ZDHHC2: variants seen among roughly 807,000 people sequenced by gnomAD.
The protein encoded by ZDHHC2 is zDHHC palmitoyltransferase 2, also known as palmitoyltransferase ZDHHC2.
ZDHHC2 carries 51 observed loss-of-function variants against 55.6 expected under a neutral mutation model. That is an observed-to-expected ratio of 0.92 (90% CI 0.73 to 1.16). ZDHHC2 has a LOEUF of 1.16. ZDHHC2 is among the 50% of genes most tolerant of loss of function. The pLI, the probability that ZDHHC2 is intolerant of heterozygous loss-of-function variation, is 0.00. For synonymous variants in ZDHHC2, 199 were observed against 152.9 expected, an observed-to-expected ratio of 1.30 and a Z score of -2.22; for missense variants, 491 against 442.4, an observed-to-expected ratio of 1.11 and a Z score of -0.99.
intron 1 of ZDHHC2, among the ~76,000 whole-genome samples, chr8:17,173,789 T>C (rs774918195): frequency 6.6e-5 from 10 of 152,136 alleles, no homozygotes; most frequent in Non-Finnish European, 1.3e-4. Flanking sequence ...TGGAGGATGC[T>C]GCAAGCTATA....
intron 6 of ZDHHC2, among the ~76,000 whole-genome samples, chr8:17,202,956 T>G (rs2959621): frequency 0.73 from 110,846 of 151,876 alleles, 42,393 homozygotes; most frequent in Non-Finnish European, 0.87. Context: ...ATTATTTAAT[T>G]CAAGAGCTGC....
chr8:17,212,309 A>G (rs1267870056), intron 10 of ZDHHC2, among the ~76,000 whole-genome samples: 3 of 152,072 alleles, frequency 2.0e-5, no homozygotes, highest in Non-Finnish European at 4.4e-5. Flanking sequence ...ATCATCTCCA[A>G]CTAAACAGGT....
chr8:17,219,173 C>G (rs1022521642), intron 12 of ZDHHC2, among the ~76,000 whole-genome samples: 1 of 139,356 alleles, frequency 7.2e-6, no homozygotes, highest in African/African-American at 2.7e-5. Flanking sequence ...TTGCTTGAAC[C>G]CAGAAGGCAG....
chr8:17,198,296 A>T lies in ZDHHC2; in HGVS notation c.444-85A>T, dbSNP rs1806429236. The T allele has an allele frequency of 3.1e-6, 4 of 1,300,522 alleles. No individual in the cohort carries two copies. In the South Asian group the frequency reaches 6.7e-5, roughly 22 times the overall value. The allele number at this position is 1,300,522 out of a possible 1,614,324, so 80.6% of individuals were successfully genotyped here. A position where few individuals can be genotyped will look rare whatever the true frequency, so the allele number is the denominator to read the frequency against. Reference sequence around the variant, plus strand: ...ATATTTTACTTGCCGCAGCTGTTTGAACTAACCATAATTTATATTTTTATA... The same window carrying T: ...ATATTTTACTTGCCGCAGCTGTTTGTACTAACCATAATTTATATTTTTATA... On this transcript the variant is annotated intron_variant, in intron 5 of 12. Coordinates refer to ENST00000262096, the MANE Select transcript of ZDHHC2 (RefSeq NM_016353.5).
chr8:17,222,699 A>G lies in ZDHHC2; in HGVS notation c.*2478A>G, dbSNP rs920060082. On this transcript the variant is annotated 3_prime_UTR_variant, in exon 13 of 13. Transcript: ENST00000262096. Reference sequence around the variant, plus strand: ...CATTCAATGAAGTTCATATCCATGAATTCACTCCTAATATACCCTAATAAA... The same window carrying G: ...CATTCAATGAAGTTCATATCCATGAGTTCACTCCTAATATACCCTAATAAA... 9 of 151,948 alleles carry G rather than the reference A, an allele frequency of 5.9e-5. No individual in the cohort carries two copies. The highest frequency in any genetic ancestry group is 1.9e-4 in the African/African-American group (8 of 41,524). The allele number at this position is 151,948 out of a possible 1,614,324, so 9.4% of individuals were successfully genotyped here.
At chr8:17,158,827 C>G (rs1159554663) in intron 1 of ZDHHC2, among the ~76,000 whole-genome samples, 1 of 152,188 alleles carries the variant, frequency 6.6e-6, no homozygotes, top group Non-Finnish European at 1.5e-5. Flanking sequence ...TAATGCCTGT[C>G]TGCCTGGCCT....
In ZDHHC2 at chr8:17,197,597, A is replaced by T. The variant is rs774456707; in HGVS notation, c.389A>T (p.Asp130Val). ...RTMSGAIRYC[D>V]RCQLIKPDRC... ...TTGTCCCTAGCCATCCGATACTGTG[A>T]CAGATGCCAACTTATAAAACCAGAT... Residue 130 changes from aspartate to valine, a missense_variant, in exon 5 of 13, where the codon GAC (aspartate) becomes GTC (valine). Coordinates refer to ENST00000262096, the MANE Select transcript of ZDHHC2 (RefSeq NM_016353.5). The T allele has an allele frequency of 6.2e-7, 1 of 1,613,782 alleles. No individual in the cohort carries two copies. Among genetic ancestry groups the T allele is most frequent in the Non-Finnish European group, 8.5e-7 (1 of 1,179,734 alleles).
chr8:17,201,243 A>G (rs1346366583), intron 6 of ZDHHC2, among the ~76,000 whole-genome samples: 1 of 152,260 alleles, frequency 6.6e-6, no homozygotes, highest in Middle Eastern at 3.4e-3. Context: ...GTATGTGTGC[A>G]TAGCCTATAA....
In ZDHHC2 at chr8:17,210,443, G is replaced by C. The variant is rs561330213; in HGVS notation, c.913G>C (p.Ala305Pro). 6.2e-6 allele frequency: 10 copies of C among 1,612,956 alleles called. No homozygotes were observed. Among genetic ancestry groups the C allele is most frequent in the Middle Eastern group, 3.3e-4 (2 of 6,054 alleles). Residue 305 changes from alanine (A) to proline (P), a missense_variant, in exon 10 of 13, where the codon GCA becomes CCA. Ala to Pro is a conservative substitution (Grantham distance 27). Coordinates refer to ENST00000262096, the MANE Select transcript of ZDHHC2 (RefSeq NM_016353.5). ...TCLVNQDPEQ[A>P]STPAGLNSTA... ...CCTTGTTAACCAGGATCCTGAACAA[G>C]CATCTACTCCTGCAGGGCTGAATTC...
chr8:17,215,409 G>T, intron 11 of ZDHHC2, 60 bp downstream of exon 11: 4 of 1,391,082 alleles, frequency 2.9e-6, no homozygotes, highest in East Asian at 5.0e-5. Flanking sequence ...GGTAAACGTG[G>T]TTAAAAAAAA....
At chr8:17,192,030 C>T in intron 3 of ZDHHC2, among the ~76,000 whole-genome samples, 1 of 152,160 alleles carries the variant, frequency 6.6e-6, no homozygotes, top group East Asian at 1.9e-4. Context: ...GTTGGCCAGG[C>T]TGGTGTGCAG....
chr8:17,199,239 C>G (rs1806490976), intron 6 of ZDHHC2, among the ~76,000 whole-genome samples: 1 of 152,176 alleles, frequency 6.6e-6, no homozygotes, highest in South Asian at 2.1e-4. Flanking sequence ...TATCCTGTAT[C>G]TTTCACCAGT....
Position 17,156,848 on chromosome 8 carries a change from G to T in ZDHHC2, c.125G>T (p.Cys42Phe), listed in dbSNP as rs2150869540. 3.3e-6 allele frequency: 5 copies of T among 1,501,082 alleles called. No homozygotes were observed. The highest frequency in any genetic ancestry group is 3.6e-6 in the Non-Finnish European group (4 of 1,123,810). 93.0% of individuals were successfully genotyped at this position (1,501,082 alleles called of 1,614,324 possible). A position where few individuals can be genotyped will look rare whatever the true frequency, so the allele number is the denominator to read the frequency against. ...TACTACGCCTACGCCATCCAGCTGTGCATAGGTGAGTGCGCCCCCCGCCGC... is the reference window on the plus strand; with the variant it reads ...TACTACGCCTACGCCATCCAGCTGTTCATAGGTGAGTGCGCCCCCCGCCGC... ...WSYYAYAIQL[C>F]IVSMENTGEQ... The change falls in exon 1 of 13, where the codon TGC (cysteine) becomes TTC (phenylalanine). Residue 42 changes from cysteine to phenylalanine, a missense_variant. Coordinates refer to ENST00000262096, the MANE Select transcript of ZDHHC2 (RefSeq NM_016353.5).
At chr8:17,188,921 A>G (rs1390333940) in intron 3 of ZDHHC2, among the ~76,000 whole-genome samples, 1 of 151,520 alleles carries the variant, frequency 6.6e-6, no homozygotes, top group African/African-American at 2.4e-5. Context: ...ATCCTTGGCT[A>G]CTCTTTTTCT....
rs377059282 is a variant in ZDHHC2 at position 17,207,981 on chromosome 8, G to A, written c.619G>A (p.Ala207Thr). 1.5e-4 allele frequency: 238 copies of A among 1,576,844 alleles called. No individual in the cohort carries two copies. The highest frequency in any genetic ancestry group is 1.9e-4 in the Non-Finnish European group (216 of 1,160,656). The stretch of plus-strand genomic sequence containing the variant: ...ATAGAATGGCCTACCTGATACTCAA[G>A]CCAAGTTCCATATTATGTTTTTATT... ...FWTNGLPDTQ[A>T]KFHIMFLFFA... The change falls in exon 8 of 13, where the codon GCC (alanine) becomes ACC (threonine). Residue 207 changes from alanine to threonine, a missense_variant. Physicochemically the swap from Ala to Thr is moderately conservative, Grantham distance 58. Coordinates refer to ENST00000262096, the MANE Select transcript of ZDHHC2 (RefSeq NM_016353.5).
chr8:17,168,714 C>T (rs1258987574), intron 1 of ZDHHC2, among the ~76,000 whole-genome samples: 3 of 152,134 alleles, frequency 2.0e-5, no homozygotes, highest in Non-Finnish European at 4.4e-5. Flanking sequence ...TCCAACTGTC[C>T]AGGTAGCTCC....
chr8:17,212,962 A>G (rs772465057), intron 10 of ZDHHC2, among the ~76,000 whole-genome samples: 8 of 152,094 alleles, frequency 5.3e-5, no homozygotes, highest in Non-Finnish European at 1.2e-4. Context: ...TCCTGGGCTC[A>G]AGCAGTCCTC....
At chr8:17,210,569 G>A in intron 10 of ZDHHC2, 89 bp downstream of exon 10, 2 of 1,142,602 alleles carry the variant, frequency 1.8e-6, no homozygotes. Context: ...GAAAAAAAAT[G>A]AAGACCATAA....
At chr8:17,215,162 A>G in intron 10 of ZDHHC2, 75 bp from the exon 11 acceptor site, 3 of 1,366,090 alleles carry the variant, frequency 2.2e-6, no homozygotes, top group Non-Finnish European at 3.0e-6. Context: ...TTGGTTCCAT[A>G]CATTGAGAAA....
Sources: gnomAD v4.1 joint callset for allele counts (sites outside exome capture counted in the v4.1 genomes callset) on GRCh38, gnomAD v4.1.1 for gene constraint, MANE v1.5 for transcripts, NCBI Gene and HGNC (gene_info 2026-07-23, HGNC 2026-07-21) for gene names.